Variants in IDNK observed in about 807,000 individuals in gnomAD.
The protein encoded by IDNK is IDNK gluconokinase.
A neutral mutation model predicts 13.0 loss-of-function variants in IDNK; 9 were observed. The ratio of observed to expected loss-of-function variants is 0.69; its 90% CI spans 0.42 to 1.21. The LOEUF is 1.21. Ranked by LOEUF, IDNK falls within the 50% of genes most tolerant of loss-of-function variation. The pLI is 0.00. For missense variants in IDNK, 210 were observed against 237.8 expected (o/e 0.88, Z 0.77); for synonymous variants, 92 against 94.9 (o/e 0.97, Z 0.18).
In IDNK at chr9:83,624,055, T is replaced by A. The variant is rs139815084; in HGVS notation, c.50+834T>A. On this transcript the variant is annotated intron_variant, in intron 1 of 4. Transcript: ENST00000376419. ...ATGTTGTGGCCTGTGTAGTCAGGTGTATATTAAAGATTTACTCCAGGTAGA... is the reference window on the plus strand; with the variant it reads ...ATGTTGTGGCCTGTGTAGTCAGGTGAATATTAAAGATTTACTCCAGGTAGA... Among the ~76,000 whole-genome samples the A allele has an allele frequency of 8.5e-3, 1,292 of 152,332 alleles. 21 individuals carry two copies. Among genetic ancestry groups the A allele is most frequent in the African/African-American group, 0.03 (1,236 of 41,576 alleles).
chr9:83,623,362 C>T (rs962213912), intron 1 of IDNK, 141 bp downstream of exon 1: 9 of 788,462 alleles, frequency 1.1e-5, no homozygotes, highest in Non-Finnish European at 1.4e-5. Context: ...AACCGAGGCC[C>T]GCGGCTGCCG....
At chr9:83,641,028 ATTTC>A (rs1234011332) in intron 3 of IDNK, among the ~76,000 whole-genome samples, 1 of 152,120 alleles carries the variant, frequency 6.6e-6, no homozygotes, top group Non-Finnish European at 1.5e-5. Context: ...TCTCAGGAGG[ATTTC>A]TTTGTGAAAC....
intron 3 of IDNK, among the ~76,000 whole-genome samples, chr9:83,629,392 G>C (rs1830950270): frequency 6.6e-6 from 1 of 152,158 alleles, no homozygotes; most frequent in Non-Finnish European, 1.5e-5. Context: ...TTCTGCCTGT[G>C]ACCCTTTAGA....
chr9:83,624,314 T>C lies in IDNK; in HGVS notation c.50+1093T>C, dbSNP rs112007643. On this transcript the variant is annotated intron_variant, in intron 1 of 4. Coordinates refer to ENST00000376419, the MANE Select transcript of IDNK (RefSeq NM_001001551.4). Reference sequence around the variant, plus strand: ...GAGCCTGGGCAGTTCATGTACCCCCTCTGAGTCTTGAATCAGATGAGGGAG... The same window carrying C: ...GAGCCTGGGCAGTTCATGTACCCCCCCTGAGTCTTGAATCAGATGAGGGAG... 8.3e-3 allele frequency among the ~76,000 whole-genome samples: 1,259 copies of C among 152,296 alleles called. 17 individuals carry two copies. Among genetic ancestry groups the C allele is most frequent in the African/African-American group, 0.029 (1,196 of 41,558 alleles).
intron 3 of IDNK, among the ~76,000 whole-genome samples, chr9:83,637,174 A>AT (rs1831187412): frequency 6.6e-6 from 1 of 152,214 alleles, no homozygotes; most frequent in South Asian, 2.1e-4. Flanking sequence ...ACATTTTGTG[A>AT]TTTTTGTAGC....
At chr9:83,641,687 A>G (rs767607333) in intron 4 of IDNK, 96 bp downstream of exon 4, 1 of 1,228,534 alleles carries the variant, frequency 8.1e-7, no homozygotes, top group Non-Finnish European at 1.2e-6. Context: ...TGAAATCACA[A>G]CTGACTGATG....
At chr9:83,629,036 GTAGAGTT>G in intron 3 of IDNK, 77 bp downstream of exon 3, 2 of 1,167,298 alleles carry the variant, frequency 1.7e-6, no homozygotes, top group Non-Finnish European at 2.6e-6. Context: ...ACTTGCTGTA[GTAGAGTT>G]CGTGAGTCCT....
chr9:83,639,824 T>C (rs920217727), intron 3 of IDNK, among the ~76,000 whole-genome samples: 3 of 152,192 alleles, frequency 2.0e-5, no homozygotes, highest in African/African-American at 7.2e-5. Context: ...AGGGCATGGA[T>C]TGTTTATGTT....
At chr9:83,640,480 ATGGGATTATT>A (rs960252408) in intron 3 of IDNK, among the ~76,000 whole-genome samples, 20 of 152,308 alleles carry the variant, frequency 1.3e-4, no homozygotes, top group African/African-American at 4.1e-4. Flanking sequence ...ATAACCTAGG[ATGGGATTATT>A]TGGGATGTGG....
chr9:83,640,830 A>C (rs1441491372), intron 3 of IDNK, among the ~76,000 whole-genome samples: 1 of 152,252 alleles, frequency 6.6e-6, no homozygotes, highest in Non-Finnish European at 1.5e-5. Flanking sequence ...GGGCAACAAG[A>C]GTGAAACTCC....
intron 1 of IDNK, among the ~76,000 whole-genome samples, chr9:83,627,221 G>A (rs1039982836): frequency 3.3e-5 from 5 of 152,234 alleles, no homozygotes; most frequent in African/African-American, 7.2e-5. Context: ...TAGGAAGATA[G>A]TGCTTAAATA....
At chr9:83,627,971 A>T in intron 1 of IDNK, 1 of 1,320,490 alleles carries the variant, frequency 7.6e-7, no homozygotes, top group Non-Finnish European at 9.8e-7. Context: ...AATAGTGTTA[A>T]CTAATTATTT....
chr9:83,643,690 A>G lies in IDNK; in HGVS notation c.474A>G (p.Pro158=). The change falls in exon 5 of 5, where the codon CCA becomes CCG. Residue 158 remains proline (P), a synonymous_variant. Transcript: ENST00000376419. ...CCCAGTTTGAGACTCTGGAGCCCCCAGCAGCTCCAGAAAACTTTATCCAAA... is the reference window on the plus strand; with the variant it reads ...CCCAGTTTGAGACTCTGGAGCCCCCGGCAGCTCCAGAAAACTTTATCCAAA... ...LQSQFETLEP[P]AAPENFIQIS... 2.5e-6 allele frequency: 4 copies of G among 1,613,926 alleles called. No homozygotes were observed. The highest frequency in any genetic ancestry group is 3.4e-6 in the Non-Finnish European group (4 of 1,179,928).
intron 2 of IDNK, 61 bp from the exon 3 acceptor site, chr9:83,628,812 C>A: frequency 8.5e-7 from 1 of 1,174,752 alleles, no homozygotes; most frequent in Non-Finnish European, 1.3e-6. Context: ...AGTAATCCCA[C>A]AATGACTATC....
upstream of IDNK, chr9:83,623,122 C>CCGGGGCCGG (rs1044769107): frequency 1.2e-5 from 17 of 1,395,890 alleles, no homozygotes; most frequent in Non-Finnish European, 1.6e-5. Context: ...GCCGGGTAGG[C>CCGGGGCCGG]CGGGGCCGGC....
chr9:83,629,300 G>A (rs1375210793), intron 3 of IDNK, among the ~76,000 whole-genome samples: 3 of 152,188 alleles, frequency 2.0e-5, no homozygotes, highest in South Asian at 2.1e-4. Context: ...CCCAGGTGCT[G>A]TCAGCCTACC....
At chr9:83,629,191 CA>C (rs1376410726) in intron 3 of IDNK, among the ~76,000 whole-genome samples, 1 of 152,182 alleles carries the variant, frequency 6.6e-6, no homozygotes, top group Non-Finnish European at 1.5e-5. Flanking sequence ...CAGGCTCTGC[CA>C]AAACACCTTG....
At chr9:83,638,150 TAAAC>T (rs1564149836) in intron 3 of IDNK, among the ~76,000 whole-genome samples, 31 of 151,450 alleles carry the variant, frequency 2.0e-4, no homozygotes, top group African/African-American at 6.3e-4. Flanking sequence ...TCAGAAACTA[TAAAC>T]TATATGGGAA....
At chr9:83,637,761 A>T (rs1831203205) in intron 3 of IDNK, among the ~76,000 whole-genome samples, 1 of 152,226 alleles carries the variant, frequency 6.6e-6, no homozygotes. Flanking sequence ...GTAAGCCTGT[A>T]TGAAGCATGG....
Sources: gnomAD v4.1 joint callset for allele counts (sites outside exome capture counted in the v4.1 genomes callset) on GRCh38, gnomAD v4.1.1 for gene constraint, MANE v1.5 for transcripts, NCBI Gene and HGNC (gene_info 2026-07-23, HGNC 2026-07-21) for gene names.